The following TDRD1 variants were observed in gnomAD, a reference collection of about 807,000 sequenced individuals.
TDRD1 encodes the protein tudor domain-containing protein 1.
TDRD1 carries 37 observed loss-of-function variants against 140.6 expected under a neutral mutation model. The observed-to-expected ratio is 0.26, with a 90% CI of 0.20 to 0.35. The LOEUF is 0.35. TDRD1 is among the 10% of genes least tolerant of loss of function. TDRD1 has a pLI of 1.00. For synonymous variants in TDRD1, 506 were observed against 475.7 expected, an observed-to-expected ratio of 1.06 and a Z score of -0.83; for missense variants, 1,243 against 1,393.0, an observed-to-expected ratio of 0.89 and a Z score of 1.71.
intron 18 of TDRD1, among the ~76,000 whole-genome samples, chr10:114,218,864 G>A (rs2035969274): frequency 6.6e-6 from 1 of 152,184 alleles, no homozygotes; most frequent in Non-Finnish European, 1.5e-5. Flanking sequence ...TTCTGACTTA[G>A]TAATTTTGCT....
At chr10:114,225,856 C>CA (rs369019516) in intron 21 of TDRD1, among the ~76,000 whole-genome samples, 193 bp from the exon 22 acceptor site, 2,077 of 102,484 alleles carry the variant, frequency 0.02, 19 homozygotes, top group African/African-American at 0.04. Context: ...GACCCTGTCT[C>CA]AAAAAAAAAA....
At chr10:114,211,313 C>T (rs1041348984) in intron 13 of TDRD1, among the ~76,000 whole-genome samples, 3 of 152,064 alleles carry the variant, frequency 2.0e-5, no homozygotes, top group African/African-American at 4.8e-5. Context: ...ATATCTTCAC[C>T]GGTTTTATTG....
At chr10:114,187,250 T>TG (rs1479110737) in intron 1 of TDRD1, among the ~76,000 whole-genome samples, 2 of 152,150 alleles carry the variant, frequency 1.3e-5, no homozygotes, top group Non-Finnish European at 2.9e-5. Context: ...CAGCTGGAGA[T>TG]GATCAAAGCA....
intron 3 of TDRD1, among the ~76,000 whole-genome samples, chr10:114,195,857 T>C (rs578140656): frequency 6.6e-6 from 1 of 152,304 alleles, no homozygotes; most frequent in East Asian, 1.9e-4. Flanking sequence ...CTTGAATACT[T>C]TCAGTAATTT....
chr10:114,231,749 A>G, exon 26 of TDRD1: 2 of 493,694 alleles, frequency 4.1e-6, no homozygotes, highest in African/African-American at 2.0e-5. Flanking sequence ...ACTGGCAAGG[A>G]ATACATAGGG....
chr10:114,213,705 C>A, intron 15 of TDRD1, 117 bp downstream of exon 15: 1 of 987,534 alleles, frequency 1.0e-6, no homozygotes, highest in Non-Finnish European at 1.5e-6. Context: ...CTTTTTAAAT[C>A]AAGCATTCAT....
chr10:114,217,923 G>A (rs75397328), intron 17 of TDRD1, among the ~76,000 whole-genome samples: 2 of 152,138 alleles, frequency 1.3e-5, no homozygotes, highest in African/African-American at 4.8e-5. Context: ...TCATGGAAGC[G>A]CTGTTCACAG....
At chr10:114,213,714 A>G in intron 15 of TDRD1, 126 bp downstream of exon 15, 1 of 925,048 alleles carries the variant, frequency 1.1e-6, no homozygotes, top group Non-Finnish European at 1.6e-6. Flanking sequence ...TCAAGCATTC[A>G]TCTAAATACT....
intron 10 of TDRD1, among the ~76,000 whole-genome samples, chr10:114,205,814 T>G (rs1480155038): frequency 6.6e-6 from 1 of 152,102 alleles, no homozygotes; most frequent in Non-Finnish European, 1.5e-5. Context: ...GATAGCACAA[T>G]AGGGTGACTG....
exon 14 of TDRD1, chr10:114,211,983 T>C (rs2035515542): frequency 1.2e-6 from 2 of 1,612,674 alleles, no homozygotes; most frequent in African/African-American, 1.3e-5. Context: ...CTTTGTCCCA[T>C]AATCCCAAAG....
chr10:114,210,084 T>C (rs2035385406), intron 11 of TDRD1, among the ~76,000 whole-genome samples: 1 of 152,226 alleles, frequency 6.6e-6, no homozygotes, highest in Non-Finnish European at 1.5e-5. Context: ...CTAATTATTT[T>C]TCTCTTGACT....
chr10:114,216,814 A>T (rs1248336297), intron 16 of TDRD1, among the ~76,000 whole-genome samples: 1 of 152,232 alleles, frequency 6.6e-6, no homozygotes, highest in Non-Finnish European at 1.5e-5. Context: ...TGAAAGGTGA[A>T]ACATCTGAAA....
intron 21 of TDRD1, among the ~76,000 whole-genome samples, chr10:114,225,369 C>T (rs1304245143): frequency 6.6e-6 from 1 of 152,158 alleles, no homozygotes. Flanking sequence ...TTTGAATGAG[C>T]AGCACCAATC....
chr10:114,190,878 A>G (rs2033912632), intron 2 of TDRD1, 83 bp from the exon 3 acceptor site: 2 of 1,347,118 alleles, frequency 1.5e-6, no homozygotes, highest in Admixed American at 1.7e-5. Flanking sequence ...TTACTTGAAT[A>G]TCACCTAATT....
intron 18 of TDRD1, among the ~76,000 whole-genome samples, chr10:114,220,182 ATT>A (rs759566532): frequency 2.0e-5 from 3 of 152,244 alleles, no homozygotes; most frequent in Non-Finnish European, 2.9e-5. Flanking sequence ...AATGAAAAAC[ATT>A]TTGAAGTTAT....
chr10:114,203,203 GAC>G, intron 7 of TDRD1, 27 bp downstream of exon 7: 1 of 1,557,374 alleles, frequency 6.4e-7, no homozygotes, highest in Middle Eastern at 2.0e-4. Flanking sequence ...AATCTCCATA[GAC>G]ACAGATCCAG....
In TDRD1 at chr10:114,217,700, TCTTAA is replaced by T. The variant is rs144010226; in HGVS notation, c.2323+52_2323+56del. On this transcript the variant is annotated intron_variant, in intron 17 of 25. Coordinates refer to ENST00000251864, the Ensembl canonical transcript of TDRD1. Reference sequence around the variant, plus strand: ...ATCTTGACTTTTAGAACCTTATATTTCTTAACTTAACCTTATTTTTAGTGCACATT... The same window carrying T: ...ATCTTGACTTTTAGAACCTTATATTTCTTAACCTTATTTTTAGTGCACATT... 3,022 of 1,041,576 alleles carry T rather than the reference TCTTAA, an allele frequency of 2.9e-3. 14 individuals carry two copies. Among genetic ancestry groups the T allele is most frequent in the Non-Finnish European group, 2.7e-3 (1,857 of 681,428 alleles). The allele number at this position is 1,041,576 out of a possible 1,614,324, so 64.5% of individuals were successfully genotyped here. A position where few individuals can be genotyped will look rare whatever the true frequency, so the allele number is the denominator to read the frequency against.
chr10:114,225,967 A>G, intron 21 of TDRD1, 82 bp from the exon 22 acceptor site: 1 of 1,216,108 alleles, frequency 8.2e-7, no homozygotes, highest in Non-Finnish European at 1.2e-6. Context: ...TAAGTGATGT[A>G]AATATAACTA....
exon 26 of TDRD1, chr10:114,231,554 G>T: frequency 6.6e-7 from 1 of 1,518,628 alleles, no homozygotes. Context: ...AGGAGAGAAA[G>T]TACAGCACCT....
Sources: gnomAD v4.1 joint callset for allele counts (sites outside exome capture counted in the v4.1 genomes callset) on GRCh38, gnomAD v4.1.1 for gene constraint, MANE v1.5 for transcripts, NCBI Gene and HGNC (gene_info 2026-07-23, HGNC 2026-07-21) for gene names.